SOD2: variants seen among roughly 807,000 people sequenced by gnomAD.
The protein encoded by SOD2 is superoxide dismutase [Mn], mitochondrial.
In SOD2, 11 loss-of-function variants were observed where a neutral mutation model predicts 27.0. That is an observed-to-expected ratio of 0.41 (90% CI 0.26 to 0.67). The LOEUF is 0.67. Among genes scored for constraint, SOD2 ranks in the 30% least tolerant of loss-of-function variants. The pLI, the probability that SOD2 is intolerant of heterozygous loss-of-function variation, is 0.34. For missense variants in SOD2, 250 were observed against 274.5 expected (o/e 0.91, Z 0.63); for synonymous variants, 105 against 103.0 (o/e 1.02, Z -0.12).
Position 159,684,865 on chromosome 6 carries a change from T to C in SOD2, c.512A>G (p.Gln171Arg). 1.9e-6 allele frequency: 3 copies of C among 1,612,134 alleles called. No individual in the cohort carries two copies. Among genetic ancestry groups the C allele is most frequent in the Non-Finnish European group, 8.5e-7 (1 of 1,179,042 alleles). The change falls in exon 4 of 5, where the codon CAA becomes CGA. Residue 171 changes from glutamine (Q) to arginine (R), a missense_variant. Transcript: ENST00000538183. ...IAACPNQDPLQGTTGLIPLLG... is the reference protein window; with the variant it reads ...IAACPNQDPLRGTTGLIPLLG... Reference sequence around the variant, plus strand: ...TTTTTAAATCTAACCTGTTGTTCCTTGCAGTGGATCCTGATTTGGACAAGC... The same window carrying C: ...TTTTTAAATCTAACCTGTTGTTCCTCGCAGTGGATCCTGATTTGGACAAGC...
chr6:159,749,826 C>A (rs1034735486), upstream of SOD2, among the ~76,000 whole-genome samples: 1 of 152,204 alleles, frequency 6.6e-6, no homozygotes, highest in Non-Finnish European at 1.5e-5. Context: ...TTTCTTCATG[C>A]TTCCATCCAA....
In SOD2 at chr6:159,693,169, C is replaced by T; in HGVS notation, c.-2G>A. 2 of 1,530,978 alleles carry T rather than the reference C, an allele frequency of 1.3e-6. No homozygotes were observed. The highest frequency in any genetic ancestry group is 1.8e-6 in the Non-Finnish European group (2 of 1,138,572). The allele number at this position is 1,530,978 out of a possible 1,614,324, so 94.8% of individuals were successfully genotyped here. On this transcript the variant is annotated 5_prime_UTR_variant, in exon 1 of 5. Transcript: ENST00000538183. ...CCCGCACACTGCCCGGCTCAACATG[C>T]TGCTAGTGCTGGTGCTACCGCTGAT...
At chr6:159,723,616 C>A (rs976331059) in intron 1 of SOD2, among the ~76,000 whole-genome samples, 21 of 152,202 alleles carry the variant, frequency 1.4e-4, no homozygotes, top group African/African-American at 4.6e-4. Flanking sequence ...CATGCCTATA[C>A]ATCCTGGTTC....
intron 1 of SOD2, among the ~76,000 whole-genome samples, chr6:159,723,069 T>C (rs1778071425): frequency 6.6e-6 from 1 of 152,230 alleles, no homozygotes; most frequent in Admixed American, 6.5e-5. Flanking sequence ...TGTGAAACCT[T>C]TCCTTTTGTC....
At chr6:159,702,623 C>T (rs1245080057) in intron 1 of SOD2, among the ~76,000 whole-genome samples, 3 of 134,260 alleles carry the variant, frequency 2.2e-5, no homozygotes, top group African/African-American at 5.9e-5. Flanking sequence ...AAAACCTCAG[C>T]CAGCAGCAAT....
chr6:159,698,530 C>T (rs567445311), intron 1 of SOD2, among the ~76,000 whole-genome samples: 62 of 143,220 alleles, frequency 4.3e-4, no homozygotes, highest in African/African-American at 1.2e-3. Flanking sequence ...TGAGATCGCG[C>T]CACTGCACTC....
chr6:159,706,458 C>G (rs1583033052), intron 1 of SOD2, among the ~76,000 whole-genome samples: 1 of 152,154 alleles, frequency 6.6e-6, no homozygotes, highest in South Asian at 2.1e-4. Flanking sequence ...AAAAGGCAGG[C>G]ATTGCAATCC....
In SOD2 at chr6:159,682,479, A is replaced by G. The variant is rs371172578; in HGVS notation, c.*14T>C. On this transcript the variant is annotated 3_prime_UTR_variant, in exon 5 of 5. Transcript: ENST00000538183. ...TCATAAAGAGCTTAACATACTCAGCATAACGATCGTGGTTTACTTTTTGCA... is the reference window on the plus strand; with the variant it reads ...TCATAAAGAGCTTAACATACTCAGCGTAACGATCGTGGTTTACTTTTTGCA... 4.4e-5 allele frequency: 71 copies of G among 1,611,738 alleles called. No individual in the cohort carries two copies. The highest frequency in any genetic ancestry group is 5.8e-5 in the Non-Finnish European group (68 of 1,178,684).
intron 1 of SOD2, among the ~76,000 whole-genome samples, chr6:159,722,262 C>G (rs1428857865): frequency 6.6e-6 from 1 of 151,940 alleles, no homozygotes; most frequent in African/African-American, 2.4e-5. Flanking sequence ...TGGTGGCAGG[C>G]ACCTGTAGTC....
At chr6:159,754,520 A>G (rs1157876832) in intron 1 of SOD2, among the ~76,000 whole-genome samples, 1 of 152,182 alleles carries the variant, frequency 6.6e-6, no homozygotes, top group Non-Finnish European at 1.5e-5. Context: ...GTTGCTTAAT[A>G]CAGTTGCCCT....
intron 1 of SOD2, chr6:159,727,041 C>A (rs1385564529): frequency 1.3e-5 from 16 of 1,225,750 alleles, no homozygotes; most frequent in Middle Eastern, 3.5e-4. Context: ...GTGGCCCCGG[C>A]GAGTACTTCC....
chr6:159,686,735 T>C (rs1780204018), intron 3 of SOD2, among the ~76,000 whole-genome samples: 1 of 152,176 alleles, frequency 6.6e-6, no homozygotes, highest in African/African-American at 2.4e-5. Flanking sequence ...TACCTTAAAA[T>C]GAAATTGCTT....
chr6:159,722,916 C>CA (rs1778068812), intron 1 of SOD2, among the ~76,000 whole-genome samples: 1 of 152,200 alleles, frequency 6.6e-6, no homozygotes, highest in South Asian at 2.1e-4. Flanking sequence ...TAAAACTTGA[C>CA]AGCTTCCCTA....
chr6:159,760,039 G>A (rs1454489707), intron 1 of SOD2, among the ~76,000 whole-genome samples: 2 of 152,338 alleles, frequency 1.3e-5, no homozygotes, highest in East Asian at 3.9e-4. Context: ...AGTCAGTAGA[G>A]GAGACAGATA....
intron 1 of SOD2, among the ~76,000 whole-genome samples, chr6:159,754,088 C>A (rs1051045641): frequency 6.6e-6 from 1 of 152,166 alleles, no homozygotes; most frequent in Admixed American, 6.6e-5. Context: ...TTGTCAGCCT[C>A]CATCCTTTTT....
At chr6:159,692,975 C>T (rs1026781912) in intron 1 of SOD2, 112 bp from the exon 2 acceptor site, 2 of 1,344,542 alleles carry the variant, frequency 1.5e-6, no homozygotes, top group African/African-American at 3.1e-5. Flanking sequence ...GCGTCCCCTC[C>T]CTGCGGATCC....
chr6:159,731,258 C>G (rs1376689828), upstream of SOD2, among the ~76,000 whole-genome samples: 1 of 151,222 alleles, frequency 6.6e-6, no homozygotes, highest in Non-Finnish European at 1.5e-5. Flanking sequence ...CCCAGGAGTT[C>G]AAGACCAGCC....
intron 1 of SOD2, among the ~76,000 whole-genome samples, chr6:159,707,081 A>G (rs923485024): frequency 1.2e-4 from 19 of 152,324 alleles, no homozygotes; most frequent in Non-Finnish European, 2.8e-4. Context: ...GAGAACAAAG[A>G]CACAACATAC....
intron 1 of SOD2, among the ~76,000 whole-genome samples, chr6:159,742,422 T>G (rs560455130): frequency 1.3e-5 from 2 of 152,192 alleles, no homozygotes; most frequent in East Asian, 1.9e-4. Flanking sequence ...TCAGAACTAC[T>G]TGAAACTTTT....
Sources: allele counts gnomAD v4.1 joint callset (sites outside exome capture counted in the v4.1 genomes callset), GRCh38; gene constraint gnomAD v4.1.1; transcripts MANE v1.5; gene names NCBI Gene and HGNC (gene_info 2026-07-23, HGNC 2026-07-21).